Variants in MANBAL observed in about 807,000 individuals in gnomAD.
The protein encoded by MANBAL is mannosidase beta like, also known as protein MANBAL.
In MANBAL, 1 loss-of-function variant was observed where a neutral mutation model predicts 6.4. The ratio of observed to expected loss-of-function variants is 0.16; its 90% CI spans 0.06 to 0.74. The LOEUF (loss-of-function observed/expected upper bound fraction) is 0.74. Ranked by LOEUF, MANBAL falls within the 30% of genes least tolerant of loss-of-function variation. The pLI, the probability that MANBAL is intolerant of heterozygous loss-of-function variation, is 0.78. For synonymous variants in MANBAL, 47 were observed against 45.8 expected, an observed-to-expected ratio of 1.03 and a Z score of -0.10; for missense variants, 100 against 107.8, an observed-to-expected ratio of 0.93 and a Z score of 0.32.
chr20:37,289,754 T>C (rs779429743), intron 1 of MANBAL, 68 bp downstream of exon 1: 2 of 152,276 alleles, frequency 1.3e-5, no homozygotes, highest in Non-Finnish European at 2.9e-5. Flanking sequence ...GTGGCCTGGC[T>C]TTCCCGGCCG....
chr20:37,290,916 A>C (rs1011965127), intron 1 of MANBAL, among the ~76,000 whole-genome samples: 2 of 152,252 alleles, frequency 1.3e-5, no homozygotes, highest in African/African-American at 4.8e-5. Flanking sequence ...GGCCTAAAAC[A>C]GTAACTTCTG....
chr20:37,296,864 A>G (rs555976255), intron 1 of MANBAL: 2 of 152,220 alleles, frequency 1.3e-5, no homozygotes, highest in African/African-American at 4.8e-5. Context: ...TATTAGCCCA[A>G]AGTGTAGCTA....
At chr20:37,315,877 C>T (rs71351065) in intron 2 of MANBAL, among the ~76,000 whole-genome samples, 12 of 152,392 alleles carry the variant, frequency 7.9e-5, no homozygotes, top group South Asian at 2.1e-4. Flanking sequence ...GTCCCTGGCA[C>T]GAGGTGATCG....
chr20:37,297,045 G>A (rs2069013506), intron 1 of MANBAL: 1 of 152,120 alleles, frequency 6.6e-6, no homozygotes, highest in Non-Finnish European at 1.5e-5. Flanking sequence ...AAAAAGCTTG[G>A]GGCCAAGGGC....
intron 2 of MANBAL, among the ~76,000 whole-genome samples, chr20:37,303,549 A>T (rs546975379): frequency 2.6e-5 from 4 of 152,214 alleles, no homozygotes; most frequent in Non-Finnish European, 5.9e-5. Flanking sequence ...AAAATGATGT[A>T]TCTGCTAGAT....
At chr20:37,300,021 G>A (rs1249643741) in intron 1 of MANBAL, among the ~76,000 whole-genome samples, 1 of 152,188 alleles carries the variant, frequency 6.6e-6, no homozygotes, top group Non-Finnish European at 1.5e-5. Context: ...AGCAGCTCTT[G>A]TCTGGCTTAT....
chr20:37,309,251 T>C (rs1041899555), intron 2 of MANBAL, among the ~76,000 whole-genome samples: 7 of 152,174 alleles, frequency 4.6e-5, no homozygotes, highest in African/African-American at 1.7e-4. Context: ...TCAGTGCCCT[T>C]ATCAGTCGGG....
At chr20:37,292,427 G>C (rs1301854602) in intron 1 of MANBAL, among the ~76,000 whole-genome samples, 1 of 152,114 alleles carries the variant, frequency 6.6e-6, no homozygotes, top group Non-Finnish European at 1.5e-5. Flanking sequence ...TCAGCCTCCT[G>C]AGTAGCTGGG....
At chr20:37,299,790 C>T (rs1218194809) in intron 1 of MANBAL, among the ~76,000 whole-genome samples, 1 of 152,160 alleles carries the variant, frequency 6.6e-6, no homozygotes, top group Non-Finnish European at 1.5e-5. Context: ...GGGGCTTTGT[C>T]AAGCAGTCAC....
In MANBAL at chr20:37,313,114, C is replaced by T. The variant is rs2069424626; in HGVS notation, c.151-3194C>T. The stretch of plus-strand genomic sequence containing the variant: ...ATGTAACTGGCTGGGCGCGGTGGCT[C>T]ACGCCTGTAATCCCAGCACTTTGGG... On this transcript the variant is annotated intron_variant, in intron 2 of 2. Transcript: ENST00000373606. Among the ~76,000 whole-genome samples the T allele has an allele frequency of 2.0e-5, 3 of 152,206 alleles. No homozygotes were observed. In the South Asian group the frequency reaches 6.2e-4, roughly 31 times the overall value.
At chr20:37,300,522 C>T (rs1171441521) in intron 1 of MANBAL, among the ~76,000 whole-genome samples, 1 of 152,190 alleles carries the variant, frequency 6.6e-6, no homozygotes, top group Non-Finnish European at 1.5e-5. Flanking sequence ...TCCAAGAAAG[C>T]AGGGGTTTGT....
intron 2 of MANBAL, among the ~76,000 whole-genome samples, chr20:37,309,570 T>C (rs2069335173): frequency 6.6e-6 from 1 of 152,146 alleles, no homozygotes; most frequent in African/African-American, 2.4e-5. Context: ...TGGCTTTCAA[T>C]ATGATGCCCG....
intron 1 of MANBAL, among the ~76,000 whole-genome samples, chr20:37,292,687 C>T (rs547645664): frequency 7.2e-5 from 11 of 152,318 alleles, no homozygotes; most frequent in African/African-American, 2.4e-4. Flanking sequence ...GAAATTGTTC[C>T]TCCATTGGCC....
Position 37,303,879 on chromosome 20 carries a change from G to A in MANBAL, c.150+2466G>A, listed in dbSNP as rs1013515243. Among the ~76,000 whole-genome samples the A allele has an allele frequency of 2.0e-5, 3 of 152,146 alleles. No homozygotes were observed. The South Asian group carries it at 6.2e-4, about 32-fold the overall frequency. On this transcript the variant is annotated intron_variant, in intron 2 of 2. Transcript: ENST00000373606. ...TTCCAGACTTCCAGAAAGCAAGCAG[G>A]TGTTCAGCATGAACCTTATTGTTTA...
At chr20:37,307,171 G>T (rs2069278165) in intron 2 of MANBAL, among the ~76,000 whole-genome samples, 1 of 152,064 alleles carries the variant, frequency 6.6e-6, no homozygotes, top group African/African-American at 2.4e-5. Context: ...TCACTATGTT[G>T]CCCAGGCTGG....
intron 2 of MANBAL, among the ~76,000 whole-genome samples, chr20:37,314,720 G>T (rs1391517973): frequency 1.4e-4 from 22 of 152,194 alleles, no homozygotes; most frequent in Admixed American, 1.4e-3. Flanking sequence ...CTCCTTGGGG[G>T]CCTGGGACCT....
chr20:37,296,546 A>G (rs920511344), intron 1 of MANBAL, among the ~76,000 whole-genome samples: 3 of 152,348 alleles, frequency 2.0e-5, no homozygotes, highest in African/African-American at 7.2e-5. Context: ...AAGAGGGATT[A>G]TGCCATGATG....
At chr20:37,315,010 T>A (rs759736334) in intron 2 of MANBAL, among the ~76,000 whole-genome samples, 99 of 152,208 alleles carry the variant, frequency 6.5e-4, no homozygotes, top group Non-Finnish European at 1.0e-3. Context: ...GGAGTCTTAG[T>A]CTGCTTCTTA....
At chr20:37,300,161 TACTC>T (rs1394282914) in intron 1 of MANBAL, among the ~76,000 whole-genome samples, 2 of 152,204 alleles carry the variant, frequency 1.3e-5, no homozygotes, top group Non-Finnish European at 2.9e-5. Context: ...CTTTACATTT[TACTC>T]AATCAAATTG....
Sources: allele counts gnomAD v4.1 joint callset (sites outside exome capture counted in the v4.1 genomes callset), GRCh38; gene constraint gnomAD v4.1.1; transcripts MANE v1.5; gene names NCBI Gene and HGNC (gene_info 2026-07-23, HGNC 2026-07-21).